PREP: variants seen among roughly 807,000 people sequenced by gnomAD.
The protein encoded by PREP is dJ355L5.1 (prolyl endopeptidase).
Under a neutral mutation model 87.6 loss-of-function variants are expected in PREP, and 29 were observed. That is an observed-to-expected ratio of 0.33 (90% CI 0.25 to 0.45). The LOEUF (loss-of-function observed/expected upper bound fraction) is 0.45. PREP is among the 20% of genes least tolerant of loss of function. PREP has a pLI of 1.00. For missense variants in PREP, 695 were observed against 886.5 expected (o/e 0.78, Z 2.74); for synonymous variants, 337 against 328.6 (o/e 1.03, Z -0.28).
At position 105,390,409 on chromosome 6, in the gene PREP, G is replaced by T. The variant is rs184146819; in HGVS notation, c.120+7444C>A. Among the ~76,000 whole-genome samples, 59 of 152,314 alleles carry T rather than the reference G, an allele frequency of 3.9e-4. No individual in the cohort carries two copies. In the East Asian group the frequency reaches 0.01, roughly 26 times the overall value. The stretch of plus-strand genomic sequence containing the variant: ...TCTTCTCAAGGTCTGTGAAGGAAAT[G>T]GAGTTGTTGTTACTCTCATTTTGCC... On this transcript the variant is annotated intron_variant, in intron 2 of 14. Coordinates refer to ENST00000652536, the MANE Select transcript of PREP (RefSeq NM_002726.5).
intron 10 of PREP, chr6:105,323,019 G>A: frequency 1.5e-6 from 2 of 1,303,746 alleles, no homozygotes; most frequent in South Asian, 2.5e-5. Context: ...GTGCCCTATT[G>A]GTGACCTCTC....
chr6:105,368,017 T>C (rs77809186), intron 6 of PREP, among the ~76,000 whole-genome samples: 9,062 of 152,238 alleles, frequency 0.06, 292 homozygotes, highest in African/African-American at 0.091. Flanking sequence ...GGAAGATCAA[T>C]TCCCATGGAA....
chr6:105,288,392 CTAGGCT>C, intron 11 of PREP, among the ~76,000 whole-genome samples: 1 of 152,206 alleles, frequency 6.6e-6, no homozygotes. Flanking sequence ...TTCTTGTTGC[CTAGGCT>C]GGAGCGCAGT....
chr6:105,332,899 T>C (rs138893172), intron 8 of PREP, among the ~76,000 whole-genome samples: 23 of 152,254 alleles, frequency 1.5e-4, no homozygotes, highest in African/African-American at 5.5e-4. Flanking sequence ...GGGCTCTAAA[T>C]CCACACTAAG....
chr6:105,352,848 C>G (rs1771994928), intron 7 of PREP, 124 bp downstream of exon 7: 4 of 837,650 alleles, frequency 4.8e-6, no homozygotes, highest in South Asian at 3.8e-5. Flanking sequence ...GAAAAAAAAT[C>G]AGATGAACTG....
At chr6:105,288,962 G>T in intron 10 of PREP, 68 bp from the exon 11 acceptor site, 2 of 1,465,524 alleles carry the variant, frequency 1.4e-6, no homozygotes. Context: ...TTTTAAATGG[G>T]AAAAATAGTA....
intron 9 of PREP, among the ~76,000 whole-genome samples, chr6:105,326,350 A>C (rs1034554957): frequency 1.3e-5 from 2 of 152,182 alleles, no homozygotes; most frequent in Non-Finnish European, 2.9e-5. Context: ...ACCACAGAGA[A>C]TAAGTGCACT....
chr6:105,335,097 G>A (rs544352204), intron 7 of PREP, among the ~76,000 whole-genome samples: 3 of 152,060 alleles, frequency 2.0e-5, no homozygotes, highest in East Asian at 1.9e-4. Flanking sequence ...CAATACGTCC[G>A]TATCATCAAC....
intron 9 of PREP, among the ~76,000 whole-genome samples, chr6:105,328,070 G>A (rs1771218416): frequency 6.6e-6 from 1 of 152,056 alleles, no homozygotes. Context: ...TAACACCCAT[G>A]TTTTCATGAT....
At chr6:105,396,877 T>A (rs1306655185) in intron 2 of PREP, among the ~76,000 whole-genome samples, 1 of 151,936 alleles carries the variant, frequency 6.6e-6, no homozygotes, top group South Asian at 2.1e-4. Context: ...CAAACTTAAT[T>A]AACTACATAA....
chr6:105,317,461 A>G (rs1770906428), intron 10 of PREP, among the ~76,000 whole-genome samples: 3 of 152,234 alleles, frequency 2.0e-5, no homozygotes, highest in African/African-American at 7.2e-5. Flanking sequence ...AGAGGGCTCC[A>G]TTAGATGAAC....
chr6:105,367,442 A>G (rs10214573), intron 6 of PREP, among the ~76,000 whole-genome samples: 31,488 of 152,054 alleles, frequency 0.21, 4,809 homozygotes, highest in African/African-American at 0.43. Flanking sequence ...GGGAGGCCGA[A>G]GCGGGCGGAT....
intron 12 of PREP, among the ~76,000 whole-genome samples, chr6:105,283,746 G>C (rs894782799): frequency 6.6e-6 from 1 of 152,188 alleles, no homozygotes. Flanking sequence ...CCTAAATTTT[G>C]AGGAAGTTTA....
At chr6:105,357,794 G>A (rs1772138168) in intron 6 of PREP, among the ~76,000 whole-genome samples, 1 of 151,984 alleles carries the variant, frequency 6.6e-6, no homozygotes, top group African/African-American at 2.4e-5. Flanking sequence ...ATGTGACTGT[G>A]AACAGAATAA....
intron 1 of PREP, among the ~76,000 whole-genome samples, chr6:105,399,819 T>G (rs890027462): frequency 2.0e-5 from 3 of 152,184 alleles, no homozygotes; most frequent in African/African-American, 4.8e-5. Context: ...CTGGGTAACA[T>G]GCCCAGAACC....
chr6:105,328,730 T>C, intron 9 of PREP, 99 bp downstream of exon 9: 1 of 1,306,180 alleles, frequency 7.7e-7, no homozygotes. Flanking sequence ...ACAGCATATG[T>C]GATTTTCAAT....
Position 105,402,894 on chromosome 6 carries a change from C to A in PREP, c.-3G>T. The A allele has an allele frequency of 1.3e-6, 2 of 1,522,150 alleles. No homozygotes were observed. Among genetic ancestry groups the A allele is most frequent in the Admixed American group, 2.0e-5 (1 of 50,016 alleles). 94.3% of individuals were successfully genotyped at this position (1,522,150 alleles called of 1,614,324 possible). On this transcript the variant is annotated 5_prime_UTR_variant, in exon 1 of 15. Coordinates refer to ENST00000652536, the MANE Select transcript of PREP (RefSeq NM_002726.5). The stretch of plus-strand genomic sequence containing the variant: ...TCGGGGTACTGAAGGGACAGCATGG[C>A]CGGGGACAGGCAGGGGGCAGCGTGG...
At chr6:105,379,266 G>T (rs1252049210) in intron 2 of PREP, among the ~76,000 whole-genome samples, 2 of 152,126 alleles carry the variant, frequency 1.3e-5, no homozygotes, top group Admixed American at 1.3e-4. Flanking sequence ...GAGCTAGAGG[G>T]GAAAAACCAA....
chr6:105,399,994 C>T (rs1404747445), intron 1 of PREP, among the ~76,000 whole-genome samples: 1 of 152,218 alleles, frequency 6.6e-6, no homozygotes, highest in African/African-American at 2.4e-5. Context: ...TCTGCCCAGA[C>T]CGGGCACCAT....
Sources: gnomAD v4.1 joint callset for allele counts (sites outside exome capture counted in the v4.1 genomes callset) on GRCh38, gnomAD v4.1.1 for gene constraint, MANE v1.5 for transcripts, NCBI Gene and HGNC (gene_info 2026-07-23, HGNC 2026-07-21) for gene names.